The following ZNF232 variants were observed in gnomAD, a reference collection of about 807,000 sequenced individuals.
ZNF232 encodes the protein zinc finger protein 232.
Under a neutral mutation model 25.2 loss-of-function variants are expected in ZNF232, and 25 were observed. That is an observed-to-expected ratio of 0.99 (90% CI 0.72 to 1.39). The LOEUF is 1.39. Among genes scored for constraint, ZNF232 ranks in the 40% most tolerant of loss-of-function variants. The pLI is 0.00. For synonymous variants in ZNF232, 193 were observed against 182.9 expected (o/e 1.06, Z -0.45); for missense variants, 519 against 520.9 (o/e 1.00, Z 0.04).
chr17:5,106,909 CA>C (rs1026097228), intron 3 of ZNF232, among the ~76,000 whole-genome samples: 4 of 151,522 alleles, frequency 2.6e-5, no homozygotes, highest in Non-Finnish European at 5.9e-5. Context: ...TTTCTAAAGG[CA>C]AAAAAAACTG....
chr17:5,106,606 C>T, intron 3 of ZNF232, 73 bp from the exon 4 acceptor site: 1 of 1,264,946 alleles, frequency 7.9e-7, no homozygotes, highest in Non-Finnish European at 1.1e-6. Context: ...TTAAAAACAA[C>T]TATATATATG....
At chr17:5,106,167 T>G in exon 4 of ZNF232, 1 of 1,614,198 alleles carries the variant, frequency 6.2e-7, no homozygotes, top group Non-Finnish European at 8.5e-7. Context: ...ACTACACTTA[T>G]AGGGTTTCTC....
At chr17:5,118,515 C>T (rs894820852) in intron 1 of ZNF232, among the ~76,000 whole-genome samples, 10 of 152,230 alleles carry the variant, frequency 6.6e-5, no homozygotes, top group African/African-American at 1.9e-4. Context: ...GCTCTCTTAG[C>T]GCCACTGTTT....
upstream of ZNF232, chr17:5,111,989 C>T (rs748695251): frequency 8.4e-5 from 84 of 1,004,094 alleles, no homozygotes; most frequent in Non-Finnish European, 1.1e-4. Flanking sequence ...GGCTGGGAGC[C>T]CGGGAACCGG....
chr17:5,110,238 C>T (rs1449181791), intron 1 of ZNF232, among the ~76,000 whole-genome samples: 2 of 152,122 alleles, frequency 1.3e-5, no homozygotes, highest in African/African-American at 4.8e-5. Context: ...ACTCAACACT[C>T]CAAAGAGCCA....
upstream of ZNF232, among the ~76,000 whole-genome samples, chr17:5,115,912 C>T (rs1434321026): frequency 6.6e-6 from 1 of 152,188 alleles, no homozygotes; most frequent in Non-Finnish European, 1.5e-5. Context: ...GAAAGCCTCC[C>T]CGGCCGTCAA....
At chr17:5,122,367 T>C (rs1485403663) in intron 1 of ZNF232, among the ~76,000 whole-genome samples, 1 of 151,828 alleles carries the variant, frequency 6.6e-6, no homozygotes, top group African/African-American at 2.4e-5. Context: ...GCAAGGTGGG[T>C]GGTGGTCGGG....
intron 1 of ZNF232, among the ~76,000 whole-genome samples, chr17:5,122,407 C>T (rs2072706716): frequency 6.6e-6 from 1 of 152,190 alleles, no homozygotes; most frequent in Non-Finnish European, 1.5e-5. Context: ...ATCAGGCCTT[C>T]AGCTGGCAGT....
chr17:5,109,323 A>G (rs1567757181), intron 2 of ZNF232, 71 bp downstream of exon 2: 1 of 1,574,118 alleles, frequency 6.4e-7, no homozygotes, highest in Non-Finnish European at 8.7e-7. Context: ...ACCTCCCCCT[A>G]CAGCTGCCCC....
upstream of ZNF232, chr17:5,112,219 T>G: frequency 3.4e-6 from 1 of 295,974 alleles, no homozygotes; most frequent in Non-Finnish European, 6.3e-6. Flanking sequence ...GCCTTGTCCA[T>G]GGCCTGTGGT....
At chr17:5,109,136 T>C in intron 2 of ZNF232, 84 bp from the exon 3 acceptor site, 1 of 1,587,902 alleles carries the variant, frequency 6.3e-7, no homozygotes, top group South Asian at 1.1e-5. Context: ...CACTTGCAGA[T>C]GTGACCCTCC....
At chr17:5,106,927 T>C (rs1376598120) in intron 3 of ZNF232, among the ~76,000 whole-genome samples, 2 of 152,124 alleles carry the variant, frequency 1.3e-5, no homozygotes, top group East Asian at 3.9e-4. Context: ...ACTGTGCCCT[T>C]CCTGGCTCTG....
At chr17:5,118,915 C>T (rs533449188) in intron 1 of ZNF232, among the ~76,000 whole-genome samples, 1 of 152,194 alleles carries the variant, frequency 6.6e-6, no homozygotes, top group South Asian at 2.1e-4. Context: ...TTGGAAAAGG[C>T]AACATTTGAT....
intron 1 of ZNF232, among the ~76,000 whole-genome samples, chr17:5,122,175 G>A (rs1477871125): frequency 6.6e-6 from 1 of 151,954 alleles, no homozygotes; most frequent in African/African-American, 2.4e-5. Flanking sequence ...GGTGGTGCAC[G>A]CAGAAGAGAG....
At chr17:5,110,494 A>C (rs2072376695) in intron 1 of ZNF232, among the ~76,000 whole-genome samples, 1 of 152,236 alleles carries the variant, frequency 6.6e-6, no homozygotes, top group African/African-American at 2.4e-5. Flanking sequence ...CCAAGTTTCC[A>C]GATGCAGAGC....
At chr17:5,122,911 CCCGAAGCCGGGGACCGCCAAG>C (rs1181888775) in intron 1 of ZNF232, 2 of 152,382 alleles carry the variant, frequency 1.3e-5, no homozygotes, top group African/African-American at 4.8e-5. Context: ...CCGAGAGCAC[CCCGAAGCCGGGGACCGCCAAG>C]CCGGAGCCAG....
chr17:5,109,569 A>G (rs779368128), exon 2 of ZNF232: 16 of 1,614,096 alleles, frequency 9.9e-6, no homozygotes, highest in African/African-American at 2.7e-5. Flanking sequence ...CTCTGGCCTC[A>G]GCCACTCACA....
Position 5,109,882 on chromosome 17 carries a change from A to C in ZNF232, c.24-14T>G. ...TGCAAGGGCCCCCTGTAACATAAGA[A>C]GAAATCATTCCTCTTTTTTTTTTTT... On this transcript the variant is annotated splice_polypyrimidine_tract_variant and intron_variant, in intron 1 of 3. Transcript: ENST00000575898. 2 of 1,573,476 alleles carry C rather than the reference A, an allele frequency of 1.3e-6. No individual in the cohort carries two copies. Among genetic ancestry groups the C allele is most frequent in the Non-Finnish European group, 8.6e-7 (1 of 1,165,132 alleles).
upstream of ZNF232, among the ~76,000 whole-genome samples, chr17:5,116,222 T>C (rs2072533208): frequency 1.4e-5 from 2 of 138,588 alleles, no homozygotes; most frequent in South Asian, 4.3e-4. Flanking sequence ...GAGACGCTCA[T>C]TGAGAGGACT....
Sources: gnomAD v4.1 joint callset for allele counts (sites outside exome capture counted in the v4.1 genomes callset) on GRCh38, gnomAD v4.1.1 for gene constraint, MANE v1.5 for transcripts, NCBI Gene and HGNC (gene_info 2026-07-23, HGNC 2026-07-21) for gene names.